The following STX8 variants were observed in gnomAD, a reference collection of about 807,000 sequenced individuals.
The protein encoded by STX8 is syntaxin 8, also known as syntaxin-8.
A neutral mutation model predicts 37.5 loss-of-function variants in STX8; 23 were observed. The ratio of observed to expected loss-of-function variants is 0.61; its 90% CI spans 0.44 to 0.87. The LOEUF is 0.87. STX8 is among the 40% of genes least tolerant of loss of function. STX8 has a pLI of 0.00. For synonymous variants in STX8, 115 were observed against 99.1 expected (o/e 1.16, Z -0.95); for missense variants, 313 against 284.7 (o/e 1.10, Z -0.71).
At chr17:9,437,096 T>C (rs2142379992) in intron 6 of STX8, among the ~76,000 whole-genome samples, 1 of 152,370 alleles carries the variant, frequency 6.6e-6, no homozygotes, top group East Asian at 1.9e-4. Flanking sequence ...AAACCACGAC[T>C]ATAAGCACTC....
chr17:9,564,647 C>CTTA (rs1907383509), intron 2 of STX8, among the ~76,000 whole-genome samples: 2 of 152,088 alleles, frequency 1.3e-5, no homozygotes. Context: ...GACAGCTAAC[C>CTTA]ATGAGGTAAA....
chr17:9,300,830 CTTT>C (rs1164799565), intron 7 of STX8, among the ~76,000 whole-genome samples: 3 of 90,894 alleles, frequency 3.3e-5, no homozygotes, highest in South Asian at 4.2e-4. Flanking sequence ...TTATTTTGTT[CTTT>C]TTTTTTTTTT....
At chr17:9,524,499 T>C (rs1259193754) in intron 4 of STX8, among the ~76,000 whole-genome samples, 2 of 152,202 alleles carry the variant, frequency 1.3e-5, no homozygotes, top group East Asian at 1.9e-4. Context: ...AGAGTCCTCA[T>C]GACTTACTTC....
At chr17:9,311,052 C>T (rs1447484967) in intron 7 of STX8, among the ~76,000 whole-genome samples, 5 of 152,010 alleles carry the variant, frequency 3.3e-5, no homozygotes, top group Admixed American at 6.6e-5. Flanking sequence ...GCCTGACCCA[C>T]GTGGTGAAAC....
chr17:9,297,112 C>T (rs1908582457), intron 7 of STX8, among the ~76,000 whole-genome samples: 1 of 151,896 alleles, frequency 6.6e-6, no homozygotes, highest in African/African-American at 2.4e-5. Context: ...GTCCAATGCA[C>T]AGTGAACCTC....
rs57490676 is a variant in STX8 at position 9,506,407 on chromosome 17, T to TCCCCCCCCCCCCCCCCCC, written c.324-1246_324-1245insGGGGGGGGGGGGGGGGGG. On this transcript the variant is annotated intron_variant, in intron 4 of 7. Transcript: ENST00000306357. Reference sequence around the variant, plus strand: ...TTAGAGTCAGCTGGTGCTCACCCGCTCCCCCCCCCCCCCACCCACCTTTCT... The same window carrying TCCCCCCCCCCCCCCCCCC: ...TTAGAGTCAGCTGGTGCTCACCCGCTCCCCCCCCCCCCCCCCCCCCCCCCCCCCCCCACCCACCTTTCT... Among the ~76,000 whole-genome samples the TCCCCCCCCCCCCCCCCCC allele has an allele frequency of 3.3e-4, 13 of 39,358 alleles. 2 individuals are homozygous for TCCCCCCCCCCCCCCCCCC. The highest frequency in any genetic ancestry group is 4.3e-4 in the Admixed American group (1 of 2,308). The allele number at this position is 39,358 out of a possible 152,430, so 25.8% of individuals were successfully genotyped here.
At position 9,506,416 on chromosome 17, in the gene STX8, C is replaced by T. The variant is rs967196240; in HGVS notation, c.324-1254G>A. On this transcript the variant is annotated intron_variant, in intron 4 of 7. Transcript: ENST00000306357. ...GCTGGTGCTCACCCGCTCCCCCCCC[C>T]CCCCACCCACCTTTCTTAGGAAAGG... Among the ~76,000 whole-genome samples the T allele has an allele frequency of 2.0e-5, 2 of 97,678 alleles. 1 individual carries two copies. The highest frequency in any genetic ancestry group is 4.5e-5 in the Non-Finnish European group (2 of 44,314). 64.1% of individuals were successfully genotyped at this position (97,678 alleles called of 152,430 possible).
At chr17:9,263,159 T>G (rs917802792) in intron 7 of STX8, among the ~76,000 whole-genome samples, 2 of 140,630 alleles carry the variant, frequency 1.4e-5, no homozygotes, top group African/African-American at 5.4e-5. Context: ...GGTGACAGAG[T>G]GAGATCCTGT....
At chr17:9,478,645 A>C (rs542487178) in intron 6 of STX8, among the ~76,000 whole-genome samples, 1 of 152,316 alleles carries the variant, frequency 6.6e-6, no homozygotes, top group Admixed American at 6.5e-5. Context: ...AGGTTTTCAC[A>C]CTGTGAAGCC....
chr17:9,526,556 T>G (rs533014430), intron 4 of STX8, among the ~76,000 whole-genome samples: 7 of 151,388 alleles, frequency 4.6e-5, no homozygotes, highest in African/African-American at 1.7e-4. Flanking sequence ...TCTTAAAAAT[T>G]TTTACTTAAA....
At chr17:9,341,530 G>A (rs1910358507) in intron 7 of STX8, among the ~76,000 whole-genome samples, 1 of 152,228 alleles carries the variant, frequency 6.6e-6, no homozygotes, top group South Asian at 2.1e-4. Flanking sequence ...TCTGTCTCCT[G>A]GGTTCAAGCG....
chr17:9,483,113 T>C (rs1261241486), intron 6 of STX8, among the ~76,000 whole-genome samples: 2 of 152,138 alleles, frequency 1.3e-5, no homozygotes, highest in African/African-American at 2.4e-5. Context: ...CCTGGAACAA[T>C]AGGCATTTAC....
At chr17:9,395,173 T>C (rs768185085) in intron 6 of STX8, among the ~76,000 whole-genome samples, 6 of 152,064 alleles carry the variant, frequency 3.9e-5, no homozygotes, top group Non-Finnish European at 8.8e-5. Flanking sequence ...ATATTCATTA[T>C]GTTTATAGCT....
intron 4 of STX8, among the ~76,000 whole-genome samples, chr17:9,514,636 A>G (rs1905115562): frequency 6.6e-6 from 1 of 152,100 alleles, no homozygotes; most frequent in Non-Finnish European, 1.5e-5. Flanking sequence ...CAAAAAACAA[A>G]ATGATGACAA....
intron 7 of STX8, among the ~76,000 whole-genome samples, chr17:9,255,743 A>T (rs1401154798): frequency 6.6e-6 from 1 of 152,190 alleles, no homozygotes; most frequent in Admixed American, 6.5e-5. Context: ...GGGAGACTTT[A>T]AACAGGCTTA....
intron 7 of STX8, among the ~76,000 whole-genome samples, chr17:9,340,899 T>C (rs940522882): frequency 6.0e-5 from 9 of 150,270 alleles, no homozygotes; most frequent in Admixed American, 2.6e-4. Flanking sequence ...TCAGGTGATC[T>C]GCCTGCCTCG....
chr17:9,556,645 T>C (rs1026400270), intron 3 of STX8, among the ~76,000 whole-genome samples: 1 of 151,290 alleles, frequency 6.6e-6, no homozygotes, highest in Non-Finnish European at 1.5e-5. Flanking sequence ...TTTCACCATG[T>C]TGACCAGGCT....
At chr17:9,362,787 A>G (rs903135863) in intron 7 of STX8, among the ~76,000 whole-genome samples, 3 of 149,790 alleles carry the variant, frequency 2.0e-5, no homozygotes, top group African/African-American at 7.3e-5. Context: ...GTGCCACTGC[A>G]CTCCAGCCTG....
chr17:9,545,705 C>T (rs541536633), intron 3 of STX8, among the ~76,000 whole-genome samples: 1 of 152,146 alleles, frequency 6.6e-6, no homozygotes, highest in Non-Finnish European at 1.5e-5. Flanking sequence ...CTCAGCCTCC[C>T]GAGTAGCTGG....
Sources: allele counts gnomAD v4.1 joint callset (sites outside exome capture counted in the v4.1 genomes callset), GRCh38; gene constraint gnomAD v4.1.1; transcripts MANE v1.5; gene names NCBI Gene and HGNC (gene_info 2026-07-23, HGNC 2026-07-21).